Variants in KLHL5 observed in about 807,000 individuals in gnomAD.
KLHL5 encodes the protein kelch like family member 5, also known as kelch-like protein 5.
A neutral mutation model predicts 77.7 loss-of-function variants in KLHL5; 48 were observed. The ratio of observed to expected loss-of-function variants is 0.62; its 90% confidence interval spans 0.49 to 0.79. The LOEUF (loss-of-function observed/expected upper bound fraction) is 0.79. Ranked by LOEUF, KLHL5 falls within the 30% of genes least tolerant of loss-of-function variation. KLHL5 has a pLI of 0.00. For synonymous variants in KLHL5, 260 were observed against 297.0 expected, an observed-to-expected ratio of 0.88 and a Z score of 1.28; for missense variants, 723 against 859.7, an observed-to-expected ratio of 0.84 and a Z score of 1.99.
At chr4:39,129,450 C>T (rs1251202131), downstream of KLHL5, among the ~76,000 whole-genome samples, 4 of 152,124 alleles carry the variant, frequency 2.6e-5, no homozygotes, top group Admixed American at 6.5e-5. The surrounding 1 kb of genome is among the most constrained non-coding windows in gnomAD (Gnocchi z 4.2). Context: ...CCTCGTGATC[C>T]GCCCGCCTTG....
chr4:39,057,008 T>C (rs1387516764), intron 1 of KLHL5, among the ~76,000 whole-genome samples: 2 of 152,188 alleles, frequency 1.3e-5, no homozygotes, highest in Non-Finnish European at 2.9e-5. Flanking sequence ...CCCTTGTAAA[T>C]CCATTTTTCA....
chr4:39,107,789 A>G, intron 8 of KLHL5, 58 bp downstream of exon 8: 1 of 1,289,970 alleles, frequency 7.8e-7, no homozygotes, highest in Non-Finnish European at 1.1e-6. Flanking sequence ...ATTAAGCTAT[A>G]TCATTTCTAA....
At chr4:39,095,885 A>G (rs1721020627) in intron 5 of KLHL5, among the ~76,000 whole-genome samples, 1 of 151,874 alleles carries the variant, frequency 6.6e-6, no homozygotes, top group Middle Eastern at 3.4e-3. Context: ...TATATATGTT[A>G]TACATATAAA....
chr4:39,120,739 A>G (rs965042604), intron 10 of KLHL5, among the ~76,000 whole-genome samples: 5 of 152,234 alleles, frequency 3.3e-5, no homozygotes, highest in Non-Finnish European at 7.3e-5. Context: ...TTTCATGTAG[A>G]TTAATTCTTG....
Position 39,062,771 on chromosome 4 carries a change from G to A in KLHL5, c.119G>A (p.Trp40Ter), listed in dbSNP as rs371367762. The A allele has an allele frequency of 7.4e-6, 12 of 1,614,028 alleles. No individual in the cohort carries two copies. The African/African-American group carries it at 1.1e-4, about 14-fold the overall frequency. ...STVDSQQGEFWNRGQTGANGG... is the reference protein window; with the variant it reads ...STVDSQQGEF ...GTTGACAGCCAGCAGGGAGAATTTTGGAACCGAGGACAGACTGGAGCAAAC... is the reference window on the plus strand; with the variant it reads ...GTTGACAGCCAGCAGGGAGAATTTTAGAACCGAGGACAGACTGGAGCAAAC... Residue 40 changes from tryptophan to a stop codon, truncating the protein, a stop_gained, in exon 1 of 11, where the codon TGG (tryptophan) becomes TAG (stop). Transcript: ENST00000504108. LOFTEE classifies it high-confidence loss of function.
At chr4:39,118,957 T>A (rs1723035637) in intron 10 of KLHL5, among the ~76,000 whole-genome samples, 1 of 152,176 alleles carries the variant, frequency 6.6e-6, no homozygotes, top group Non-Finnish European at 1.5e-5. Flanking sequence ...AGGGATAAGA[T>A]TGAGAGCTAC....
At chr4:39,061,370 T>A (rs998505825), upstream of KLHL5, among the ~76,000 whole-genome samples, 1 of 152,312 alleles carries the variant, frequency 6.6e-6, no homozygotes, top group African/African-American at 2.4e-5. Flanking sequence ...CCCTGAAAAC[T>A]CAAATTCTGC....
At chr4:39,082,901 G>A (rs1294591002) in intron 4 of KLHL5, among the ~76,000 whole-genome samples, 1 of 118,376 alleles carries the variant, frequency 8.4e-6, no homozygotes, top group Non-Finnish European at 2.0e-5. Context: ...GGTGTTATGG[G>A]TTTTTGAGGA....
upstream of KLHL5, among the ~76,000 whole-genome samples, chr4:39,060,408 A>G (rs1717313069): frequency 6.6e-6 from 1 of 151,268 alleles, no homozygotes; most frequent in African/African-American, 2.4e-5. Flanking sequence ...CTCAATGCCT[A>G]TAGCACTCTG....
intron 10 of KLHL5, among the ~76,000 whole-genome samples, chr4:39,118,847 G>C (rs1723029879): frequency 6.6e-6 from 1 of 152,088 alleles, no homozygotes. Context: ...AGTGTAGAAA[G>C]GTACAGGGAG....
At chr4:39,093,390 A>T in intron 5 of KLHL5, 1 of 455,970 alleles carries the variant, frequency 2.2e-6, no homozygotes, top group Middle Eastern at 3.3e-4. Flanking sequence ...AATTGAGGTG[A>T]TGAAAATGTT....
chr4:39,106,099 CTCTGACTGTCCTGCATGA>C (rs955638763), intron 7 of KLHL5, among the ~76,000 whole-genome samples: 2 of 152,174 alleles, frequency 1.3e-5, no homozygotes, highest in African/African-American at 2.4e-5. Flanking sequence ...TATCTGCAGT[CTCTGACTGTCCTGCATGA>C]TCTGGCTCCA....
Position 39,123,669 on chromosome 4 carries a change from T to C in KLHL5, c.*2603T>C, listed in dbSNP as rs1392552715. 3.3e-5 allele frequency among the ~76,000 whole-genome samples: 5 copies of C among 152,162 alleles called. No homozygotes were observed. Among genetic ancestry groups the C allele is most frequent in the Non-Finnish European group, 7.4e-5 (5 of 68,022 alleles). ...TTGACAAAAATCCAACACCCTTTCA[T>C]GGTAAAAACACTCTGCAAACTAGGA... On this transcript the variant is annotated 3_prime_UTR_variant, in exon 11 of 11. Coordinates refer to ENST00000504108, the MANE Select transcript of KLHL5 (RefSeq NM_015990.5).
chr4:39,074,061 T>C (rs955576001), intron 1 of KLHL5, among the ~76,000 whole-genome samples: 4 of 152,180 alleles, frequency 2.6e-5, no homozygotes, highest in African/African-American at 9.7e-5. Context: ...TATAAGCATA[T>C]ATAATTACAT....
At chr4:39,093,311 T>C (rs1262818379) in intron 5 of KLHL5, 1 of 442,476 alleles carries the variant, frequency 2.3e-6, no homozygotes, top group African/African-American at 2.0e-5. Flanking sequence ...AGCAAATCTG[T>C]AGAGACAGAT....
chr4:39,112,180 T>C (rs1397206801), intron 8 of KLHL5, among the ~76,000 whole-genome samples: 2 of 152,190 alleles, frequency 1.3e-5, no homozygotes, highest in Admixed American at 6.5e-5. Context: ...TACAAACTTT[T>C]AGGTTCAGAG....
intron 8 of KLHL5, 144 bp from the exon 9 acceptor site, chr4:39,112,876 C>G (rs1722550497): frequency 1.5e-6 from 1 of 675,224 alleles, no homozygotes; most frequent in East Asian, 2.7e-5. Flanking sequence ...ACATAGCATA[C>G]TTTTTTAATG....
Position 39,115,265 on chromosome 4 carries a change from T to C in KLHL5, c.2008T>C (p.Tyr670His), listed in dbSNP as rs976739354. Residue 670 changes from tyrosine to histidine, a missense_variant, in exon 10 of 11, where the codon TAT becomes CAT. Transcript: ENST00000504108. ...LGDKLYAVGG[Y>H]DGQAYLNTVE... ...TGATAAGTTATATGCTGTTGGGGGG[T>C]ATGATGGACAGGCATACCTTAATAC... 87 of 1,613,710 alleles carry C rather than the reference T, an allele frequency of 5.4e-5. No individual in the cohort carries two copies. Among genetic ancestry groups the C allele is most frequent in the Non-Finnish European group, 7.3e-5 (86 of 1,179,954 alleles).
chr4:39,101,432 T>C (rs1721533931), intron 6 of KLHL5, among the ~76,000 whole-genome samples: 1 of 152,042 alleles, frequency 6.6e-6, no homozygotes, highest in Non-Finnish European at 1.5e-5. Context: ...ATGTTACTAT[T>C]ATAATGTAAG....
Sources: gnomAD v4.1 joint callset for allele counts (sites outside exome capture counted in the v4.1 genomes callset) on GRCh38, gnomAD v4.1.1 for gene constraint, Gnocchi (gnomAD v3.1) non-coding constraint, MANE v1.5 for transcripts, NCBI Gene and HGNC (gene_info 2026-07-23, HGNC 2026-07-21) for gene names.